Variants in RADIL observed in about 807,000 individuals in gnomAD.
RADIL encodes the protein Rap associating with DIL domain.
Under a neutral mutation model 97.6 loss-of-function variants are expected in RADIL, and 99 were observed. The ratio of observed to expected loss-of-function variants is 1.01; its 90% CI spans 0.86 to 1.20. RADIL has a LOEUF of 1.20. Ranked by LOEUF, RADIL falls within the 50% of genes most tolerant of loss-of-function variation. The probability of loss-of-function intolerance (pLI) is 0.00; values close to 1 mark genes in which losing one functional copy is unlikely to be tolerated. For missense variants in RADIL, 1,765 were observed against 1,498.9 expected (o/e 1.18, Z -2.93); for synonymous variants, 803 against 691.8 (o/e 1.16, Z -2.52).
chr7:4,859,891 C>A (rs1783931978), intron 2 of RADIL: 1 of 1,566,278 alleles, frequency 6.4e-7, no homozygotes, highest in African/African-American at 1.4e-5. Context: ...ATCCTCTAGA[C>A]TCCAACTATA....
rs1286991333 is a variant in RADIL, at chr7:4,824,411, G to C, written c.1455-1857C>G. 6.6e-6 allele frequency among the ~76,000 whole-genome samples: 1 copy of C among 152,242 alleles called. No homozygotes were observed. Among genetic ancestry groups the C allele is most frequent in the African/African-American group, 2.4e-5 (1 of 41,474 alleles). On this transcript the variant is annotated intron_variant, in intron 5 of 14. Coordinates refer to ENST00000399583, the MANE Select transcript of RADIL (RefSeq NM_018059.5). This position sits in a 1 kb window ranked among gnomAD's most constrained non-coding sequence, Gnocchi z 6.7. ...CCAAGCCCACAGGAAATGCCACCAG[G>C]ACCTTAAGGCAGCCGGTTTGTGAGG...
intron 2 of RADIL, among the ~76,000 whole-genome samples, chr7:4,862,255 C>T (rs959367390): frequency 6.6e-6 from 1 of 152,258 alleles, no homozygotes; most frequent in Admixed American, 6.5e-5. Flanking sequence ...CCCTTGACAT[C>T]GCAGATGTGC....
In RADIL at chr7:4,803,614, G is replaced by T. The variant is rs767952029; in HGVS notation, c.2431C>A (p.Arg811=). 3 of 1,548,624 alleles carry T rather than the reference G, an allele frequency of 1.9e-6. No individual in the cohort carries two copies. In the African/African-American group the frequency reaches 4.1e-5, roughly 21 times the overall value. ...LYVRHFLWGL[R]SRASPGSPGR... Reference sequence around the variant, plus strand: ...GGGCTGCCGGGGCTGGCTCTGCTCCGCAGACCCCACAGAAAGTGGCGGACG... The same window carrying T: ...GGGCTGCCGGGGCTGGCTCTGCTCCTCAGACCCCACAGAAAGTGGCGGACG... The change falls in exon 11 of 15, where the codon CGG becomes AGG. Residue 811 remains arginine, a synonymous_variant. Transcript: ENST00000399583.
At chr7:4,870,495 G>A (rs546995890) in intron 2 of RADIL, among the ~76,000 whole-genome samples, 3 of 152,168 alleles carry the variant, frequency 2.0e-5, no homozygotes, top group East Asian at 1.9e-4. Context: ...AGGCTGGAGT[G>A]CAGTGGCACA....
chr7:4,851,803 G>A (rs921934781), intron 2 of RADIL, among the ~76,000 whole-genome samples: 2 of 152,336 alleles, frequency 1.3e-5, no homozygotes, highest in African/African-American at 4.8e-5. Flanking sequence ...AGCCTTCCCA[G>A]ATGACAAGAG....
At chr7:4,799,563 C>G in intron 14 of RADIL, 67 bp downstream of exon 14, 1 of 1,610,580 alleles carries the variant, frequency 6.2e-7, no homozygotes, top group Non-Finnish European at 8.5e-7. Flanking sequence ...CTCTCCTTTA[C>G]CCCAGGTCCA....
intron 5 of RADIL, among the ~76,000 whole-genome samples, chr7:4,825,204 G>A (rs1782939533): frequency 6.6e-6 from 1 of 152,326 alleles, no homozygotes; most frequent in East Asian, 1.9e-4. Flanking sequence ...AGAGGGCAGA[G>A]GGGAAGGGCA....
At position 4,873,307 on chromosome 7, in the gene RADIL, G is replaced by A. The variant is rs114128173; in HGVS notation, c.535+4298C>T. ...TTACAGTGTTGAGCAACCTGGGGCT[G>A]GACTCGTTAACACAAACGTACATGG... On this transcript the variant is annotated intron_variant, in intron 2 of 14. Transcript: ENST00000399583. This position sits in a 1 kb window ranked among gnomAD's most constrained non-coding sequence, Gnocchi z 4.3. Among the ~76,000 whole-genome samples the A allele has an allele frequency of 0.018, 2,670 of 152,198 alleles. 88 individuals are homozygous for A. The highest frequency in any genetic ancestry group is 0.061 in the African/African-American group (2,551 of 41,534).
In RADIL at chr7:4,835,669, G is replaced by A. The variant is rs1446391524; in HGVS notation, c.784-430C>T. On this transcript the variant is annotated intron_variant, in intron 3 of 14. Coordinates refer to ENST00000399583, the MANE Select transcript of RADIL (RefSeq NM_018059.5). This position sits in a 1 kb window ranked among gnomAD's most constrained non-coding sequence, Gnocchi z 5.8. ...GCCGCCTGTGTGAGAGCACTGCCCC[G>A]AGGGAAGATGCCACCTAAAACCTGG... Among the ~76,000 whole-genome samples the A allele has an allele frequency of 6.6e-6, 1 of 152,048 alleles. No individual in the cohort carries two copies. Among genetic ancestry groups the A allele is most frequent in the South Asian group, 2.1e-4 (1 of 4,822 alleles).
intron 2 of RADIL, among the ~76,000 whole-genome samples, chr7:4,843,515 C>CA (rs910117635): frequency 6.6e-6 from 1 of 152,102 alleles, no homozygotes; most frequent in Non-Finnish European, 1.5e-5. Context: ...TTCAAATGTA[C>CA]AAAAAAGAAC....
chr7:4,874,269 G>T (rs1382732991), intron 2 of RADIL, among the ~76,000 whole-genome samples: 1 of 152,260 alleles, frequency 6.6e-6, no homozygotes, highest in Non-Finnish European at 1.5e-5. Context: ...ACACACTCTA[G>T]CGCAAAGCTT....
intron 2 of RADIL, among the ~76,000 whole-genome samples, chr7:4,846,532 C>G (rs1008937601): frequency 2.0e-5 from 3 of 148,390 alleles, no homozygotes; most frequent in Non-Finnish European, 3.0e-5. Context: ...TCCCTTCCCT[C>G]CCCTGCATCT....
At chr7:4,876,616 G>GAC (rs1283712434) in intron 2 of RADIL, among the ~76,000 whole-genome samples, 1 of 149,360 alleles carries the variant, frequency 6.7e-6, no homozygotes, top group East Asian at 1.9e-4. Flanking sequence ...TATTTTTTAT[G>GAC]ACACACACCT....
Position 4,799,702 on chromosome 7 carries a change from T to G in RADIL, c.3050A>C (p.Asp1017Ala), listed in dbSNP as rs2115148240. The stretch of plus-strand genomic sequence containing the variant: ...ACGGTCCCCCAGCGACAGGCGCCCG[T>G]CGGCCGCTGCGGGGCTGCCCGGGAG... ...TLLPGSPAAA[D>A]GRLSLGDRIL... Residue 1017 changes from aspartate (D) to alanine (A), a missense_variant, in exon 14 of 15, where the codon GAC becomes GCC. By Grantham distance (126) the Asp-to-Ala change is moderately radical (BLOSUM62 -2). Coordinates refer to ENST00000399583, the MANE Select transcript of RADIL (RefSeq NM_018059.5). The G allele has an allele frequency of 6.3e-7, 1 of 1,576,394 alleles. No homozygotes were observed. Among genetic ancestry groups the G allele is most frequent in the East Asian group, 2.3e-5 (1 of 43,118 alleles).
intron 5 of RADIL, among the ~76,000 whole-genome samples, chr7:4,828,451 C>T (rs768661789): frequency 6.6e-6 from 1 of 152,136 alleles, no homozygotes; most frequent in Non-Finnish European, 1.5e-5. Context: ...GAATGAGACC[C>T]TGTCTCAAAA....
chr7:4,865,199 C>T (rs142628677), intron 2 of RADIL, among the ~76,000 whole-genome samples: 1 of 152,336 alleles, frequency 6.6e-6, no homozygotes, highest in East Asian at 1.9e-4. Context: ...GAATTTCCCT[C>T]ACCCCCCATT....
At chr7:4,799,881 G>C (rs1782020900) in intron 13 of RADIL, 112 bp from the exon 14 acceptor site, 3 of 1,398,896 alleles carry the variant, frequency 2.1e-6, no homozygotes, top group South Asian at 1.5e-5. Context: ...CATCCAGCCA[G>C]GCCCACTCAT....
chr7:4,813,056 T>C lies in RADIL; in HGVS notation c.2139+2222A>G, dbSNP rs2115183245. On this transcript the variant is annotated intron_variant, in intron 9 of 14. Transcript: ENST00000399583. The surrounding 1 kb of genome is among the most constrained non-coding windows in gnomAD (Gnocchi z 5.0). ...GGCTCAGACAGCCTCTGCTTCATCC[T>C]TACCCCAAGGTTCTTCTTTCTCTCT... Among the ~76,000 whole-genome samples the C allele has an allele frequency of 6.6e-6, 1 of 151,410 alleles. No individual in the cohort carries two copies. Among genetic ancestry groups the C allele is most frequent in the South Asian group, 2.1e-4 (1 of 4,792 alleles).
chr7:4,823,575 C>T (rs1489231343), intron 5 of RADIL, among the ~76,000 whole-genome samples: 1 of 152,112 alleles, frequency 6.6e-6, no homozygotes, highest in East Asian at 1.9e-4. Context: ...GGGGGGGCGC[C>T]CTTCCCTCCC....
Sources: gnomAD v4.1 joint callset for allele counts (sites outside exome capture counted in the v4.1 genomes callset) on GRCh38, gnomAD v4.1.1 for gene constraint, Gnocchi (gnomAD v3.1) non-coding constraint, MANE v1.5 for transcripts, NCBI Gene and HGNC (gene_info 2026-07-23, HGNC 2026-07-21) for gene names.